Variants in SERPIND1 observed in about 807,000 individuals in gnomAD.
The protein encoded by SERPIND1 is heparin cofactor 2.
In SERPIND1, 34 loss-of-function variants were observed where a neutral mutation model predicts 35.0. The ratio of observed to expected loss-of-function variants is 0.97; its 90% CI spans 0.74 to 1.29. The LOEUF (loss-of-function observed/expected upper bound fraction) is 1.29, where lower values mean the gene tolerates loss of function less well. SERPIND1 is among the 50% of genes most tolerant of loss of function. The probability of loss-of-function intolerance (pLI) is 0.00; values close to 1 mark genes in which losing one functional copy is unlikely to be tolerated. For missense variants in SERPIND1, 633 were observed against 637.7 expected (o/e 0.99, Z 0.08); for synonymous variants, 236 against 241.1 (o/e 0.98, Z 0.19).
intron 1 of SERPIND1, among the ~76,000 whole-genome samples, chr22:20,777,255 T>G (rs1439704977): frequency 6.6e-6 from 1 of 151,774 alleles, no homozygotes; most frequent in Non-Finnish European, 1.5e-5. Flanking sequence ...TCGCTCTTTT[T>G]GCCCAGGCTG....
chr22:20,778,798 A>G (rs1380512585), intron 1 of SERPIND1, among the ~76,000 whole-genome samples: 1 of 151,112 alleles, frequency 6.6e-6, no homozygotes, highest in Non-Finnish European at 1.5e-5. Context: ...GGGCACTTCC[A>G]CTCCTACCAC....
At chr22:20,784,569 C>G (rs917567109) in intron 3 of SERPIND1, among the ~76,000 whole-genome samples, 3 of 152,144 alleles carry the variant, frequency 2.0e-5, no homozygotes, top group African/African-American at 7.2e-5. Context: ...CCATTACTTC[C>G]CCGGGTCACT....
intron 1 of SERPIND1, among the ~76,000 whole-genome samples, chr22:20,774,529 G>A (rs949089658): frequency 4.6e-5 from 7 of 152,168 alleles, no homozygotes; most frequent in African/African-American, 9.7e-5. Context: ...TTGGGAGGCC[G>A]AGGCGGGTGG....
chr22:20,780,680 G>A (rs1720137287), intron 2 of SERPIND1, among the ~76,000 whole-genome samples: 2 of 150,570 alleles, frequency 1.3e-5, no homozygotes, highest in Admixed American at 1.3e-4. Context: ...GGAGGCTGAG[G>A]CAGGAGAATC....
intron 3 of SERPIND1, among the ~76,000 whole-genome samples, chr22:20,784,614 C>G (rs1265611545): frequency 6.6e-6 from 1 of 152,142 alleles, no homozygotes. Context: ...GCTGAGCGCC[C>G]CTCCCAGTAC....
At position 20,779,791 on chromosome 22, in the gene SERPIND1, C is replaced by G; in HGVS notation, c.479C>G (p.Thr160Ser). Residue 160 changes from threonine to serine, a missense_variant, in exon 2 of 5, where the codon ACT becomes AGT. Physicochemically the swap from Thr to Ser is moderately conservative, Grantham distance 58. Transcript: ENST00000215727. Reference sequence around the variant, plus strand: ...TTCATAGCACCCGTTGGCATTTCTACTGCGATGGGTATGATTTCCTTAGGT... The same window carrying G: ...TTCATAGCACCCGTTGGCATTTCTAGTGCGATGGGTATGATTTCCTTAGGT... The part of the protein sequence containing the change: ...NIFIAPVGIS[T>S]AMGMISLGLK... 1 of 1,614,210 alleles carries G rather than the reference C, an allele frequency of 6.2e-7. No homozygotes were observed. Among genetic ancestry groups the G allele is most frequent in the South Asian group, 1.1e-5 (1 of 91,080 alleles).
chr22:20,780,775 C>CAAAAAAAAAAAAAAAAAAAAAAAAAAAAA (rs538327544), intron 2 of SERPIND1, among the ~76,000 whole-genome samples: 11 of 67,664 alleles, frequency 1.6e-4, no homozygotes, highest in East Asian at 4.6e-4. Context: ...GACTCCATCT[C>CAAAAAAAAAAAAAAAAAAAAAAAAAAAAA]AAAAAAAAAA....
chr22:20,786,182 C>T (rs1232519539), intron 4 of SERPIND1, 34 bp downstream of exon 4: 3 of 1,612,200 alleles, frequency 1.9e-6, no homozygotes. Context: ...CGACCCGTCC[C>T]CAGGGTCTGC....
intron 2 of SERPIND1, among the ~76,000 whole-genome samples, chr22:20,780,789 A>AAAAAAAAAAAAAAAAAG (rs1569025354): frequency 1.3e-5 from 2 of 151,384 alleles, no homozygotes; most frequent in African/African-American, 4.9e-5. Context: ...AAAAAAAAAA[A>AAAAAAAAAAAAAAAAAG]AAGAAGTAAA....
chr22:20,779,469 C>A lies in SERPIND1; in HGVS notation c.157C>A (p.Pro53Thr). ...EQLNNKNLSM[P>T]LLPADFHKEN... ...GTTAAATAACAAAAACCTGAGCATG[C>A]CTCTTCTCCCTGCCGACTTCCACAA... Residue 53 changes from proline (P) to threonine (T), a missense_variant, in exon 2 of 5, where the codon CCT becomes ACT. Coordinates refer to ENST00000215727, the MANE Select transcript of SERPIND1 (RefSeq NM_000185.4). The A allele has an allele frequency of 6.2e-7, 1 of 1,614,172 alleles. No individual in the cohort carries two copies. Among genetic ancestry groups the A allele is most frequent in the Non-Finnish European group, 8.5e-7 (1 of 1,180,008 alleles).
intron 2 of SERPIND1, among the ~76,000 whole-genome samples, chr22:20,780,929 T>C (rs1933751275): frequency 6.6e-6 from 1 of 152,184 alleles, no homozygotes; most frequent in African/African-American, 2.4e-5. Context: ...CAGCCTGGAT[T>C]TGAGTTTTCT....
At position 20,779,786 on chromosome 22, in the gene SERPIND1, T is replaced by A. The variant is rs751519137; in HGVS notation, c.474T>A (p.Ile158=). The A allele has an allele frequency of 1.2e-6, 2 of 1,614,216 alleles. No homozygotes were observed. The highest frequency in any genetic ancestry group is 3.3e-5 in the Admixed American group (2 of 60,020). ...ACATCTTCATAGCACCCGTTGGCAT[T>A]TCTACTGCGATGGGTATGATTTCCT... ...FDNIFIAPVG[I]STAMGMISLG... Residue 158 remains isoleucine (I), a synonymous_variant, in exon 2 of 5, where the codon ATT becomes ATA. Coordinates refer to ENST00000215727, the MANE Select transcript of SERPIND1 (RefSeq NM_000185.4).
At position 20,786,969 on chromosome 22, in the gene SERPIND1, G is replaced by A. The variant is rs201913067; in HGVS notation, c.1403G>A (p.Arg468His). ...VGFMPLSTQVRFTVDRPFLFL... is the reference protein window; with the variant it reads ...VGFMPLSTQVHFTVDRPFLFL... ...TTCATGCCGCTGTCCACCCAAGTCC[G>A]CTTCACTGTCGACCGCCCCTTTCTT... Residue 468 changes from arginine (R) to histidine (H), a missense_variant, in exon 5 of 5, where the codon CGC (arginine) becomes CAC (histidine). Coordinates refer to ENST00000215727, the MANE Select transcript of SERPIND1 (RefSeq NM_000185.4). 1.2e-4 allele frequency: 200 copies of A among 1,614,042 alleles called. No homozygotes were observed. The highest frequency in any genetic ancestry group is 1.4e-4 in the Non-Finnish European group (171 of 1,180,036).
Position 20,780,133 on chromosome 22 carries a change from T to A in SERPIND1, c.821T>A (p.Ile274Lys). 1.2e-6 allele frequency: 2 copies of A among 1,614,188 alleles called. No homozygotes were observed. Among genetic ancestry groups the A allele is most frequent in the Non-Finnish European group, 1.7e-6 (2 of 1,180,030 alleles). ...ATCATGAAGCTCACCAAGGGCCTCATAAAAGATGCTCTGGAGAATATAGAC... is the reference window on the plus strand; with the variant it reads ...ATCATGAAGCTCACCAAGGGCCTCAAAAAAGATGCTCTGGAGAATATAGAC... ...NHIMKLTKGL[I>K]KDALENIDPA... is the part of the protein sequence containing the mutation. Residue 274 changes from isoleucine to lysine, a missense_variant, in exon 2 of 5, where the codon ATA becomes AAA. Coordinates refer to ENST00000215727, the MANE Select transcript of SERPIND1 (RefSeq NM_000185.4).
intron 1 of SERPIND1, among the ~76,000 whole-genome samples, chr22:20,775,207 C>G (rs1271687316): frequency 1.3e-5 from 2 of 151,498 alleles, no homozygotes; most frequent in African/African-American, 4.9e-5. Context: ...AAAAAAAAAG[C>G]AAAACAAACT....
chr22:20,787,253 T>C lies in SERPIND1; in HGVS notation c.*187T>C, dbSNP rs1012190263. On this transcript the variant is annotated 3_prime_UTR_variant, in exon 5 of 5. Transcript: ENST00000215727. ...GCTTGTTGGAATCAATTCTGCACAA[T>C]AGCCCATGCTGTAAGCTCATAGAAG... is the stretch of plus-strand genomic sequence containing the variant. The C allele has an allele frequency of 3.9e-5, 25 of 634,950 alleles. No homozygotes were observed. The highest frequency in any genetic ancestry group is 2.9e-4 in the African/African-American group (16 of 54,978). The allele number at this position is 634,950 out of a possible 1,614,324, so 39.3% of individuals were successfully genotyped here.
intron 2 of SERPIND1, 140 bp downstream of exon 2, chr22:20,780,341 C>T: frequency 7.7e-7 from 1 of 1,296,176 alleles, no homozygotes; most frequent in Non-Finnish European, 1.1e-6. Flanking sequence ...GGAACGGGGA[C>T]AGGGAAGGCC....
Position 20,784,241 on chromosome 22 carries a change from A to G in SERPIND1, c.1159A>G (p.Asn387Asp), listed in dbSNP as rs765662110. ...GGAGAGATGGCAAAAAAGCATGACA[A>G]ACAGGTATTTCACACTGTGTGTTTG... The part of the protein sequence containing the change: ...VVERWQKSMT[N>D]RTREVLLPKF... Residue 387 changes from asparagine to aspartate, a missense_variant, in exon 3 of 5, where the codon AAC becomes GAC. By Grantham distance (23) the Asn-to-Asp change is conservative. Transcript: ENST00000215727. The G allele has an allele frequency of 6.2e-7, 1 of 1,614,110 alleles. No individual in the cohort carries two copies. Among genetic ancestry groups the G allele is most frequent in the Non-Finnish European group, 8.5e-7 (1 of 1,180,004 alleles).
chr22:20,784,265 T>C lies in SERPIND1; in HGVS notation c.1163+20T>C. On this transcript the variant is annotated intron_variant, in intron 3 of 4. Coordinates refer to ENST00000215727, the MANE Select transcript of SERPIND1 (RefSeq NM_000185.4). ...AAACAGGTATTTCACACTGTGTGTT[T>C]GTTCTTTTGAGCTCCCAGATGCTGG... is the stretch of plus-strand genomic sequence containing the variant. 1 of 1,614,038 alleles carries C rather than the reference T, an allele frequency of 6.2e-7. No homozygotes were observed. The highest frequency in any genetic ancestry group is 1.1e-5 in the South Asian group (1 of 91,072).
Sources: allele counts gnomAD v4.1 joint callset (sites outside exome capture counted in the v4.1 genomes callset), GRCh38; gene constraint gnomAD v4.1.1; transcripts MANE v1.5; gene names NCBI Gene and HGNC (gene_info 2026-07-23, HGNC 2026-07-21).